The following MYLK4 variants were observed in gnomAD, a reference collection of about 807,000 sequenced individuals.
MYLK4 encodes myosin light chain kinase family member 4, also known as caMLCK like.
MYLK4 carries 46 observed loss-of-function variants against 48.1 expected under a neutral mutation model. That is an observed-to-expected ratio of 0.96 (90% CI 0.75 to 1.22). The LOEUF is 1.22. MYLK4 is among the 50% of genes most tolerant of loss of function. MYLK4 has a pLI of 0.00. For synonymous variants in MYLK4, 170 were observed against 180.8 expected (o/e 0.94, Z 0.48); for missense variants, 451 against 486.1 (o/e 0.93, Z 0.68).
At chr6:2,733,714 G>A (rs1340327709) in intron 2 of MYLK4, among the ~76,000 whole-genome samples, 2 of 152,188 alleles carry the variant, frequency 1.3e-5, no homozygotes, top group Non-Finnish European at 2.9e-5. Flanking sequence ...GGTAGGGTGA[G>A]TTTAGAAGGA....
the MYLK4 span, among the ~76,000 whole-genome samples, chr6:2,758,807 T>C: frequency 6.6e-6 from 1 of 152,226 alleles, no homozygotes; most frequent in African/African-American, 2.4e-5. Context: ...ATAGTGTGTA[T>C]AGATGTCTTT....
chr6:2,766,141 T>TGGCGAC, the MYLK4 span: 8 of 1,241,178 alleles, frequency 6.4e-6, no homozygotes, highest in African/African-American at 9.4e-5. Flanking sequence ...GCGACGGCGA[T>TGGCGAC]GGCGACGGGG....
At chr6:2,723,597 T>C (rs1205538788) in intron 2 of MYLK4, among the ~76,000 whole-genome samples, 1 of 152,230 alleles carries the variant, frequency 6.6e-6, no homozygotes, top group East Asian at 1.9e-4. Flanking sequence ...CAATTTTCCA[T>C]ATTTCCTTTT....
Position 2,749,287 on chromosome 6 carries a change from T to C in MYLK4, c.8A>G (p.Lys3Arg). Residue 3 changes from lysine (K) to arginine (R), a missense_variant, in exon 2 of 13, where the codon AAA becomes AGA. Lys to Arg is a conservative substitution (Grantham distance 26). Coordinates refer to ENST00000274643, the MANE Select transcript of MYLK4 (RefSeq NM_001012418.5). ...GTTGAATTCTTCCAGCCTCTTCACT[T>C]TTAACATCTTAGTAGTGAGTCCGAT... is the stretch of plus-strand genomic sequence containing the variant. ML[K>R]VKRLEEFNTC... is the part of the protein sequence containing the mutation. 6.2e-7 allele frequency: 1 copy of C among 1,613,716 alleles called. No homozygotes were observed. The highest frequency in any genetic ancestry group is 8.5e-7 in the Non-Finnish European group (1 of 1,179,834).
chr6:2,720,633 T>C (rs9501881), intron 2 of MYLK4, among the ~76,000 whole-genome samples: 129,711 of 152,104 alleles, frequency 0.85, 55,402 homozygotes, highest in Admixed American at 0.89. Flanking sequence ...GTCACAAGAA[T>C]AGGATTCGTG....
At position 2,744,382 on chromosome 6, in the gene MYLK4, C is replaced by T. The variant is rs73717419; in HGVS notation, c.159+4754G>A. On this transcript the variant is annotated intron_variant, in intron 2 of 12. Transcript: ENST00000274643. ...ACTGTATCTGGCAACTGCTGGCTGC[C>T]GAGGCTGGGCCACTGCCAGGGAGCT... 8.6e-3 allele frequency among the ~76,000 whole-genome samples: 1,317 copies of T among 152,312 alleles called. 18 individuals carry two copies. Among genetic ancestry groups the T allele is most frequent in the African/African-American group, 0.027 (1,103 of 41,568 alleles).
At chr6:2,732,346 C>G (rs1023993258) in intron 2 of MYLK4, among the ~76,000 whole-genome samples, 1 of 152,206 alleles carries the variant, frequency 6.6e-6, no homozygotes, top group African/African-American at 2.4e-5. Flanking sequence ...AATACCCACT[C>G]AGCAAGCTGC....
At chr6:2,770,223 G>T in the MYLK4 span, 1 of 1,614,050 alleles carries the variant, frequency 6.2e-7, no homozygotes, top group South Asian at 1.1e-5. Flanking sequence ...AGCCGCTGTC[G>T]AGTGATTGTT....
rs987302058 is a variant in MYLK4, at chr6:2,666,608, C to T, written c.*1317G>A. ...TGGAAATGGAAAATGTGAGAAAGCTCATGAATCTGGTTGGTGAGCTTGGAG... is the reference window on the plus strand; with the variant it reads ...TGGAAATGGAAAATGTGAGAAAGCTTATGAATCTGGTTGGTGAGCTTGGAG... On this transcript the variant is annotated 3_prime_UTR_variant, in exon 13 of 13. Coordinates refer to ENST00000274643, the MANE Select transcript of MYLK4 (RefSeq NM_001012418.5). The T allele has an allele frequency of 2.1e-4, 32 of 152,196 alleles. No individual in the cohort carries two copies. Among genetic ancestry groups the T allele is most frequent in the African/African-American group, 5.3e-4 (22 of 41,440 alleles). The allele number at this position is 152,196 out of a possible 1,614,324, so 9.4% of individuals were successfully genotyped here. A position where few individuals can be genotyped will look rare whatever the true frequency, so the allele number is the denominator to read the frequency against.
chr6:2,744,245 A>C, intron 2 of MYLK4: 1 of 371,874 alleles, frequency 2.7e-6, no homozygotes, highest in East Asian at 3.9e-5. Flanking sequence ...GAAAAATACG[A>C]TGGCCTTGTG....
rs1312961229 is a variant in MYLK4, at chr6:2,673,726, T to C, written c.1119+1321A>G. Among the ~76,000 whole-genome samples the C allele has an allele frequency of 6.6e-6, 1 of 152,176 alleles. No homozygotes were observed. On this transcript the variant is annotated intron_variant, in intron 11 of 12. Transcript: ENST00000274643. The surrounding 1 kb of genome is among the most constrained non-coding windows in gnomAD (Gnocchi z 4.2). ...TACACATCTGTTTCTGTGTTAATTATATAATCCACAATTATTTGGATGGAG... is the reference window on the plus strand; with the variant it reads ...TACACATCTGTTTCTGTGTTAATTACATAATCCACAATTATTTGGATGGAG...
At chr6:2,728,508 C>T (rs998854043) in intron 2 of MYLK4, among the ~76,000 whole-genome samples, 2 of 152,168 alleles carry the variant, frequency 1.3e-5, no homozygotes, top group Admixed American at 1.3e-4. Context: ...CCTTGGCATC[C>T]TCATCTCCTG....
At chr6:2,770,359 A>G in the MYLK4 span, 3 of 1,614,108 alleles carry the variant, frequency 1.9e-6, no homozygotes, top group Admixed American at 1.7e-5. Flanking sequence ...ACAGCAGCTC[A>G]GAGTAAGTTG....
intron 2 of MYLK4, 142 bp downstream of exon 2, chr6:2,748,992 GAC>G (rs1764191795): frequency 1.5e-6 from 1 of 688,406 alleles, no homozygotes; most frequent in African/African-American, 1.8e-5. Flanking sequence ...TTGTATAGTC[GAC>G]ACACACAATT....
the MYLK4 span, chr6:2,766,038 CG>C: frequency 1.5e-6 from 2 of 1,303,650 alleles, no homozygotes; most frequent in South Asian, 4.5e-5. Flanking sequence ...AGGAAGGGGT[CG>C]GGGAAGAGGC....
chr6:2,724,963 C>G (rs1236780407), intron 2 of MYLK4, among the ~76,000 whole-genome samples: 1 of 152,112 alleles, frequency 6.6e-6, no homozygotes, highest in African/African-American at 2.4e-5. Flanking sequence ...CCAGCCTGGC[C>G]AACATGATGA....
chr6:2,690,940 T>C (rs993801476), intron 3 of MYLK4, among the ~76,000 whole-genome samples: 2 of 149,882 alleles, frequency 1.3e-5, no homozygotes, highest in Non-Finnish European at 3.0e-5. Flanking sequence ...AGCAATTCTC[T>C]GCCTCAGCCT....
At chr6:2,762,483 GTTAA>G in the MYLK4 span, among the ~76,000 whole-genome samples, 2 of 152,158 alleles carry the variant, frequency 1.3e-5, no homozygotes, top group African/African-American at 2.4e-5. Context: ...TTTTGGATGG[GTTAA>G]TTGATCATGT....
chr6:2,766,464 T>C, the MYLK4 span: 45 of 1,495,690 alleles, frequency 3.0e-5, no homozygotes, highest in Non-Finnish European at 3.9e-5. Context: ...GCCTTGGCCG[T>C]TGGGCTTCCG....
Sources: gnomAD v4.1 joint callset for allele counts (sites outside exome capture counted in the v4.1 genomes callset) on GRCh38, gnomAD v4.1.1 for gene constraint, Gnocchi (gnomAD v3.1) non-coding constraint, MANE v1.5 for transcripts, NCBI Gene and HGNC (gene_info 2026-07-23, HGNC 2026-07-21) for gene names.